AGK: variants seen among roughly 807,000 people sequenced by gnomAD.
AGK encodes acylglycerol kinase, mitochondrial.
A neutral mutation model predicts 66.4 loss-of-function variants in AGK; 52 were observed. The observed-to-expected ratio is 0.78, with a 90% confidence interval of 0.63 to 0.99. The LOEUF is 0.99. AGK is among the 50% of genes least tolerant of loss of function. The pLI, the probability that AGK is intolerant of heterozygous loss-of-function variation, is 0.00. For missense variants in AGK, 451 were observed against 506.6 expected (o/e 0.89, Z 1.05); for synonymous variants, 182 against 181.1 (o/e 1.00, Z -0.04).
intron 10 of AGK, among the ~76,000 whole-genome samples, chr7:141,634,723 T>G (rs1028235612): frequency 6.6e-6 from 1 of 152,186 alleles, no homozygotes; most frequent in Non-Finnish European, 1.5e-5. Context: ...TTACCTTTTC[T>G]TAAAATCGAG....
Position 141,555,428 on chromosome 7 carries a change from T to A in AGK, c.-14-25T>A. The A allele has an allele frequency of 6.7e-7, 1 of 1,499,582 alleles. No individual in the cohort carries two copies. Among genetic ancestry groups the A allele is most frequent in the Non-Finnish European group, 9.2e-7 (1 of 1,082,050 alleles). The allele number at this position is 1,499,582 out of a possible 1,614,324, so 92.9% of individuals were successfully genotyped here. ...AGACCATGGATAAATTATATTTTTT[T>A]CTCTTTCCGCCTCTACTAACCTAGC... On this transcript the variant is annotated intron_variant, in intron 1 of 15. Coordinates refer to ENST00000649286, the MANE Select transcript of AGK (RefSeq NM_018238.4). The surrounding 1 kb of genome is among the most constrained non-coding windows in gnomAD (Gnocchi z 4.2).
At chr7:141,587,518 C>A (rs1313906905) in intron 2 of AGK, among the ~76,000 whole-genome samples, 1 of 152,188 alleles carries the variant, frequency 6.6e-6, no homozygotes, top group Non-Finnish European at 1.5e-5. Context: ...CCTCCCACAG[C>A]GGGTGGCCTC....
intron 8 of AGK, among the ~76,000 whole-genome samples, chr7:141,618,602 CTCTAT>C (rs1241330686): frequency 2.0e-5 from 3 of 152,032 alleles, no homozygotes; most frequent in Admixed American, 2.0e-4. Context: ...ACAGATAAGC[CTCTAT>C]TCTATTGCTA....
At chr7:141,582,913 TA>T (rs1795912059) in intron 2 of AGK, among the ~76,000 whole-genome samples, 1 of 151,132 alleles carries the variant, frequency 6.6e-6, no homozygotes, top group Non-Finnish European at 1.5e-5. Context: ...GATGGGTCCA[TA>T]AAAAAGGAAG....
chr7:141,593,184 A>G lies in AGK; in HGVS notation c.140A>G (p.Gln47Arg), dbSNP rs1360295785. The G allele has an allele frequency of 6.2e-6, 10 of 1,612,000 alleles. No homozygotes were observed. The highest frequency in any genetic ancestry group is 3.3e-5 in the Admixed American group (2 of 60,008). The change falls in exon 3 of 16, where the codon CAG (glutamine) becomes CGG (arginine). Residue 47 changes from glutamine to arginine, a missense_variant and splice_region_variant. By Grantham distance (43) the Gln-to-Arg change is conservative. Coordinates refer to ENST00000649286, the MANE Select transcript of AGK (RefSeq NM_018238.4). Reference protein sequence around the residue: ...LLRRAACQEAQVFGNQLIPPN... With the variant: ...LLRRAACQEARVFGNQLIPPN... ...AGGAGAGCAGCCTGTCAAGAAGCTC[A>G]GGTAATACTACTTAATGTGATAAAA...
intron 6 of AGK, among the ~76,000 whole-genome samples, chr7:141,611,613 G>T (rs555256947): frequency 6.6e-6 from 1 of 152,228 alleles, no homozygotes; most frequent in East Asian, 1.9e-4. Context: ...AGCCCTGTTT[G>T]TAATGGAATC....
intron 2 of AGK, among the ~76,000 whole-genome samples, chr7:141,582,603 A>T (rs762859127): frequency 6.6e-6 from 1 of 152,030 alleles, no homozygotes; most frequent in African/African-American, 2.4e-5. Flanking sequence ...ATGGGCCATG[A>T]ACTGGACTGG....
intron 2 of AGK, among the ~76,000 whole-genome samples, chr7:141,582,881 C>G (rs903854080): frequency 6.6e-6 from 1 of 151,380 alleles, no homozygotes; most frequent in Non-Finnish European, 1.5e-5. Flanking sequence ...GAGGAGCAGC[C>G]TGGGGAGGAG....
chr7:141,610,822 G>GTCATTACA (rs1796568949), intron 5 of AGK, among the ~76,000 whole-genome samples: 1 of 152,292 alleles, frequency 6.6e-6, no homozygotes, highest in South Asian at 2.1e-4. Flanking sequence ...CTGTGCTCTT[G>GTCATTACA]TCATTACATC....
chr7:141,624,040 A>T (rs1796882901), intron 9 of AGK, among the ~76,000 whole-genome samples: 2 of 152,218 alleles, frequency 1.3e-5, no homozygotes, highest in Middle Eastern at 6.8e-3. Context: ...TGAATATTTT[A>T]AGCCCACTGT....
At chr7:141,597,584 T>G (rs1046776364) in intron 4 of AGK, among the ~76,000 whole-genome samples, 1 of 151,982 alleles carries the variant, frequency 6.6e-6, no homozygotes, top group African/African-American at 2.4e-5. Flanking sequence ...ATCAGAAAAT[T>G]AGCAGTTTGG....
intron 9 of AGK, among the ~76,000 whole-genome samples, chr7:141,628,460 G>T (rs1796987233): frequency 6.6e-6 from 1 of 152,106 alleles, no homozygotes; most frequent in Non-Finnish European, 1.5e-5. Context: ...ACAAAGCCTT[G>T]TACTATAAGC....
At chr7:141,580,813 C>T (rs2116896934) in intron 2 of AGK, among the ~76,000 whole-genome samples, 1 of 152,078 alleles carries the variant, frequency 6.6e-6, no homozygotes, top group East Asian at 1.9e-4. Context: ...CACAGCCCTG[C>T]ACTTCAGCTG....
rs535377779 is a variant in AGK, at chr7:141,556,341, G to C, written c.101+774G>C. Among the ~76,000 whole-genome samples the C allele has an allele frequency of 8.5e-5, 13 of 152,130 alleles. No homozygotes were observed. In the South Asian group the frequency reaches 2.7e-3, roughly 32 times the overall value. On this transcript the variant is annotated intron_variant, in intron 2 of 15. Transcript: ENST00000649286. ...GCAGGTGGATCATTTGAGGTCAGGA[G>C]ACCAGCCTGGCCAACATGGTGAAAC...
At chr7:141,565,496 C>A (rs757055305) in intron 2 of AGK, among the ~76,000 whole-genome samples, 3 of 152,080 alleles carry the variant, frequency 2.0e-5, no homozygotes, top group Non-Finnish European at 4.4e-5. Context: ...ACTAAAAATA[C>A]AAAAGTTAGC....
intron 5 of AGK, among the ~76,000 whole-genome samples, chr7:141,602,422 G>A (rs1204830831): frequency 6.6e-6 from 1 of 151,918 alleles, no homozygotes; most frequent in Non-Finnish European, 1.5e-5. Context: ...CTTAATTTTT[G>A]TAAGGTAAAT....
intron 2 of AGK, among the ~76,000 whole-genome samples, chr7:141,574,253 T>G (rs1449022640): frequency 3.9e-5 from 6 of 152,014 alleles, no homozygotes; most frequent in Non-Finnish European, 8.8e-5. Flanking sequence ...ATTGAAAAAA[T>G]GGCTGGTGGT....
intron 2 of AGK, among the ~76,000 whole-genome samples, chr7:141,577,864 G>T (rs978108438): frequency 6.6e-6 from 1 of 150,618 alleles, no homozygotes; most frequent in African/African-American, 2.5e-5. Flanking sequence ...TGTCACCCAG[G>T]CTGGCGTGCA....
At chr7:141,634,801 T>C (rs907061683) in intron 10 of AGK, among the ~76,000 whole-genome samples, 1 of 151,986 alleles carries the variant, frequency 6.6e-6, no homozygotes, top group African/African-American at 2.4e-5. Context: ...AAGAAATTGC[T>C]CTTTCACTTA....
Sources: allele counts gnomAD v4.1 joint callset (sites outside exome capture counted in the v4.1 genomes callset), GRCh38; gene constraint gnomAD v4.1.1; non-coding constraint Gnocchi (gnomAD v3.1); transcripts MANE v1.5; gene names NCBI Gene and HGNC (gene_info 2026-07-23, HGNC 2026-07-21).